The following FHIP1A variants were observed in gnomAD, a reference collection of about 807,000 sequenced individuals.
The protein encoded by FHIP1A is FHF complex subunit HOOK interacting protein 1A, also known as FHF complex subunit HOOK-interacting protein 1A.
FHIP1A carries 61 observed loss-of-function variants against 88.6 expected under a neutral mutation model. The ratio of observed to expected loss-of-function variants is 0.69; its 90% CI spans 0.56 to 0.85. The LOEUF (loss-of-function observed/expected upper bound fraction) is 0.85, where lower values mean the gene tolerates loss of function less well. Ranked by LOEUF, FHIP1A falls within the 40% of genes least tolerant of loss-of-function variation. The pLI is 0.00. For synonymous variants in FHIP1A, 478 were observed against 496.0 expected, an observed-to-expected ratio of 0.96 and a Z score of 0.48; for missense variants, 1,154 against 1,273.5, an observed-to-expected ratio of 0.91 and a Z score of 1.43.
At chr4:151,621,697 C>A (rs750052692) in intron 7 of FHIP1A, among the ~76,000 whole-genome samples, 5 of 152,022 alleles carry the variant, frequency 3.3e-5, no homozygotes, top group Non-Finnish European at 5.9e-5. Context: ...TGGACCATTT[C>A]CCCTCTACTG....
Position 151,421,625 on chromosome 4 carries a change from T to C in FHIP1A, c.-356+12160T>C, listed in dbSNP as rs573507163. On this transcript the variant is annotated intron_variant, in intron 1 of 13. Transcript: ENST00000435205. ...GTGCATGACATTCAATAAATATTTGTTGAATTGAGTTGGGGTTTGCTAACC... is the reference window on the plus strand; with the variant it reads ...GTGCATGACATTCAATAAATATTTGCTGAATTGAGTTGGGGTTTGCTAACC... Among the ~76,000 whole-genome samples the C allele has an allele frequency of 2.0e-5, 3 of 152,244 alleles. No homozygotes were observed. In the East Asian group the frequency reaches 5.8e-4, roughly 29 times the overall value.
chr4:151,533,086 C>A, intron 3 of FHIP1A: 1 of 152,256 alleles, frequency 6.6e-6, no homozygotes, highest in Non-Finnish European at 1.5e-5. Flanking sequence ...ATAATTGTAG[C>A]CCTTTAGCTG....
chr4:151,479,985 A>G (rs1160669469), intron 2 of FHIP1A, among the ~76,000 whole-genome samples: 1 of 152,088 alleles, frequency 6.6e-6, no homozygotes, highest in Admixed American at 6.6e-5. Flanking sequence ...GAAGGAAAGC[A>G]TTTGCCTGGG....
At chr4:151,601,341 C>T (rs13435896) in intron 7 of FHIP1A, among the ~76,000 whole-genome samples, 5,148 of 151,704 alleles carry the variant, frequency 0.034, 300 homozygotes, top group African/African-American at 0.12. Context: ...TTAGAGGGGC[C>T]GTTGGAAGCC....
intron 1 of FHIP1A, among the ~76,000 whole-genome samples, chr4:151,411,534 C>G (rs1277551241): frequency 1.3e-5 from 2 of 151,644 alleles, no homozygotes; most frequent in African/African-American, 4.8e-5. Flanking sequence ...TATTTTCATA[C>G]AGACAGGGTT....
intron 3 of FHIP1A, among the ~76,000 whole-genome samples, chr4:151,508,712 T>A (rs1730918772): frequency 1.3e-5 from 2 of 152,200 alleles, no homozygotes; most frequent in Admixed American, 6.5e-5. Flanking sequence ...GACTTGGACT[T>A]GGAACCCACT....
chr4:151,538,926 T>C (rs1280380240), intron 3 of FHIP1A, among the ~76,000 whole-genome samples: 1 of 152,236 alleles, frequency 6.6e-6, no homozygotes, highest in Non-Finnish European at 1.5e-5. Context: ...GCAGTGTCTT[T>C]AGGTGAGGTT....
At chr4:151,514,324 A>G (rs931445310) in intron 3 of FHIP1A, among the ~76,000 whole-genome samples, 1,774 of 152,088 alleles carry the variant, frequency 0.012, 27 homozygotes, top group African/African-American at 0.041. Context: ...GGAAATTTAT[A>G]GCACTAAATG....
rs1235456043 is a variant in FHIP1A, at chr4:151,664,693, G to A, written c.*1939G>A. Among the ~76,000 whole-genome samples, 1 of 152,150 alleles carries A rather than the reference G, an allele frequency of 6.6e-6. No individual in the cohort carries two copies. On this transcript the variant is annotated 3_prime_UTR_variant, in exon 14 of 14. Coordinates refer to ENST00000435205, the MANE Select transcript of FHIP1A (RefSeq NM_001109977.3). ...GAGGAACAGTTGAAGATGGAAGTTCGGCTGTAATTTATTATACTCTGTTTG... is the reference window on the plus strand; with the variant it reads ...GAGGAACAGTTGAAGATGGAAGTTCAGCTGTAATTTATTATACTCTGTTTG...
intron 7 of FHIP1A, among the ~76,000 whole-genome samples, chr4:151,589,587 G>A (rs1413465537): frequency 2.0e-5 from 3 of 152,126 alleles, no homozygotes; most frequent in African/African-American, 4.8e-5. Context: ...TAGTTCAGGG[G>A]ATCTTTGTCA....
At chr4:151,527,012 C>G (rs536955455) in intron 3 of FHIP1A, among the ~76,000 whole-genome samples, 160 of 151,042 alleles carry the variant, frequency 1.1e-3, no homozygotes, top group Non-Finnish European at 1.9e-3. Context: ...GGATGGCGGC[C>G]GGGCAGAGAC....
At chr4:151,558,698 T>C (rs1301351714) in intron 3 of FHIP1A, among the ~76,000 whole-genome samples, 1 of 152,202 alleles carries the variant, frequency 6.6e-6, no homozygotes, top group Non-Finnish European at 1.5e-5. Flanking sequence ...CGTTGTTCCT[T>C]AAAAAGAGGT....
chr4:151,417,997 C>T (rs1200841852), intron 1 of FHIP1A, among the ~76,000 whole-genome samples: 1 of 151,692 alleles, frequency 6.6e-6, no homozygotes, highest in African/African-American at 2.4e-5. Flanking sequence ...TAGTGAGACC[C>T]GTCTTAACAG....
chr4:151,483,618 C>T (rs1212249063), intron 3 of FHIP1A, among the ~76,000 whole-genome samples: 1 of 151,988 alleles, frequency 6.6e-6, no homozygotes, highest in African/African-American at 2.4e-5. Flanking sequence ...GGAAGGGAGG[C>T]TTAGGGAAAG....
chr4:151,464,474 G>A (rs1193054430), intron 2 of FHIP1A, among the ~76,000 whole-genome samples: 1 of 152,170 alleles, frequency 6.6e-6, no homozygotes, highest in Non-Finnish European at 1.5e-5. Flanking sequence ...GGGGCTCTGT[G>A]GACCTCACTT....
intron 3 of FHIP1A, among the ~76,000 whole-genome samples, chr4:151,556,407 A>G (rs920072292): frequency 3.9e-5 from 6 of 152,120 alleles, no homozygotes; most frequent in Admixed American, 2.0e-4. Flanking sequence ...TTTGTGTGCT[A>G]TATTTGTGGG....
intron 1 of FHIP1A, among the ~76,000 whole-genome samples, chr4:151,428,038 A>G (rs192833819): frequency 2.2e-3 from 328 of 152,286 alleles, no homozygotes; most frequent in African/African-American, 7.6e-3. Flanking sequence ...AGTGGTTTGT[A>G]TTTCACTTGA....
chr4:151,613,655 T>C (rs1269915292), intron 7 of FHIP1A, among the ~76,000 whole-genome samples: 1 of 152,174 alleles, frequency 6.6e-6, no homozygotes, highest in Non-Finnish European at 1.5e-5. Context: ...TGTAGTGTAG[T>C]TGTACTTGAT....
intron 2 of FHIP1A, among the ~76,000 whole-genome samples, chr4:151,467,768 G>T (rs891317536): frequency 2.0e-5 from 3 of 152,172 alleles, no homozygotes; most frequent in Middle Eastern, 3.4e-3. Flanking sequence ...TTATAATTGG[G>T]TGTTGAACAA....
Sources: allele counts gnomAD v4.1 joint callset (sites outside exome capture counted in the v4.1 genomes callset), GRCh38; gene constraint gnomAD v4.1.1; transcripts MANE v1.5; gene names NCBI Gene and HGNC (gene_info 2026-07-23, HGNC 2026-07-21).